Variants in RTL9 observed in about 807,000 individuals in gnomAD.
The protein encoded by RTL9 is retrotransposon Gag like 9.
A neutral mutation model predicts 44.7 loss-of-function variants in RTL9; 19 were observed. The ratio of observed to expected loss-of-function variants is 0.42; its 90% CI spans 0.30 to 0.62. The LOEUF is 0.62. RTL9 is among the 20% of genes least tolerant of loss of function. The pLI, the probability that RTL9 is intolerant of heterozygous loss-of-function variation, is 0.16. For synonymous variants in RTL9, 407 were observed against 398.9 expected (o/e 1.02, Z -0.24); for missense variants, 1,105 against 1,080.6 (o/e 1.02, Z -0.32).
Position 110,364,026 on chromosome X carries a change from A to G in RTL9, c.-168+5110A>G, listed in dbSNP as rs927140739. ...AACTTGGTGGCTTAAAACAGCAGATATTTATACTTTCACAGTTCTGGAGGC... is the reference window on the plus strand; with the variant it reads ...AACTTGGTGGCTTAAAACAGCAGATGTTTATACTTTCACAGTTCTGGAGGC... On this transcript the variant is annotated intron_variant, in intron 1 of 2. Coordinates refer to the RTL9 transcript ENST00000520821. Among the ~76,000 whole-genome samples, 7 of 111,792 alleles carry G rather than the reference A, an allele frequency of 6.3e-5. No individual in the cohort carries two copies. The Admixed American group carries it at 6.7e-4, about 11-fold the overall frequency.
intron 1 of RTL9, among the ~76,000 whole-genome samples, chrX:110,431,285 T>C: frequency 9.2e-6 from 1 of 108,671 alleles, no homozygotes; most frequent in Middle Eastern, 4.6e-3. Context: ...GGCTCCAACA[T>C]GAAGTGAAGG....
At chrX:110,453,643 C>A in exon 1 of RTL9, 1 of 1,212,058 alleles carries the variant, frequency 8.3e-7, no homozygotes, top group South Asian at 1.8e-5. Flanking sequence ...ACAACATATA[C>A]CGTGTCTGGA....
intron 1 of RTL9, among the ~76,000 whole-genome samples, chrX:110,438,964 G>T (rs1182766241): frequency 1.8e-5 from 2 of 111,896 alleles, no homozygotes; most frequent in East Asian, 5.6e-4. Context: ...TTTTAGTATG[G>T]GTCGTGGCAG....
intron 1 of RTL9, among the ~76,000 whole-genome samples, chrX:110,387,855 C>G (rs1402779528): frequency 1.0e-5 from 1 of 99,054 alleles, no homozygotes; most frequent in Non-Finnish European, 2.0e-5. Context: ...ATCTCCCTCT[C>G]TCTTTTTTTT....
chrX:110,413,944 A>G (rs1260277772), intron 1 of RTL9, among the ~76,000 whole-genome samples: 1 of 111,719 alleles, frequency 9.0e-6, no homozygotes, highest in Non-Finnish European at 1.9e-5. Flanking sequence ...GGAAGATACT[A>G]TTGTGGTTTT....
upstream of RTL9, among the ~76,000 whole-genome samples, chrX:110,448,539 C>A (rs991986878): frequency 1.0e-4 from 11 of 108,073 alleles, no homozygotes; most frequent in Non-Finnish European, 1.9e-4. Context: ...GTTGCATAGG[C>A]CAAGTGCTAA....
chrX:110,384,021 C>A (rs997691091), intron 1 of RTL9, among the ~76,000 whole-genome samples: 6 of 111,975 alleles, frequency 5.4e-5, no homozygotes, highest in Admixed American at 9.5e-5. Context: ...TGACACATTG[C>A]AAATGTTAGT....
At chrX:110,387,570 T>A (rs886696343) in intron 1 of RTL9, among the ~76,000 whole-genome samples, 1 of 111,680 alleles carries the variant, frequency 9.0e-6, no homozygotes, top group African/African-American at 3.3e-5. Context: ...CTGTTTCTAT[T>A]CCCTGACTTT....
intron 1 of RTL9, among the ~76,000 whole-genome samples, chrX:110,430,374 C>A (rs2068787856): frequency 8.9e-6 from 1 of 112,387 alleles, no homozygotes; most frequent in African/African-American, 3.2e-5. Context: ...TGTGTATTAA[C>A]TCATTTAATT....
chrX:110,391,974 GA>G (rs2068497052), intron 1 of RTL9, among the ~76,000 whole-genome samples: 1 of 112,111 alleles, frequency 8.9e-6, no homozygotes, highest in African/African-American at 3.2e-5. Flanking sequence ...GTTCAAAAGG[GA>G]AAACATAATG....
chrX:110,366,401 C>T (rs2068297551), intron 1 of RTL9, among the ~76,000 whole-genome samples: 1 of 111,532 alleles, frequency 9.0e-6, no homozygotes, highest in Non-Finnish European at 1.9e-5. Flanking sequence ...ATTTTTGTGA[C>T]CTCACTCACA....
intron 1 of RTL9, among the ~76,000 whole-genome samples, chrX:110,443,376 C>A (rs926757489): frequency 9.0e-6 from 1 of 111,506 alleles, no homozygotes; most frequent in African/African-American, 3.3e-5. Context: ...TCTCCCTCCC[C>A]CTACAAATCT....
intron 1 of RTL9, among the ~76,000 whole-genome samples, chrX:110,428,433 G>C (rs2068769992): frequency 8.9e-6 from 1 of 111,840 alleles, no homozygotes; most frequent in African/African-American, 3.2e-5. Context: ...ACACATTATA[G>C]GTGCTCAGTA....
intron 1 of RTL9, among the ~76,000 whole-genome samples, chrX:110,396,154 C>T (rs2068526983): frequency 1.8e-5 from 2 of 111,420 alleles, no homozygotes; most frequent in African/African-American, 3.3e-5. Flanking sequence ...CAGTATTAGT[C>T]ATACCTATTT....
At chrX:110,389,154 A>C (rs2068477727) in intron 1 of RTL9, among the ~76,000 whole-genome samples, 1 of 112,632 alleles carries the variant, frequency 8.9e-6, no homozygotes, top group Admixed American at 9.4e-5. Flanking sequence ...ACGGCTTCTA[A>C]GAGCCTTTAA....
intron 1 of RTL9, among the ~76,000 whole-genome samples, chrX:110,428,382 C>T (rs145737821): frequency 8.9e-6 from 1 of 111,979 alleles, no homozygotes; most frequent in African/African-American, 3.3e-5. Flanking sequence ...AGGGACAGAG[C>T]CTTGTACATT....
At chrX:110,361,990 A>G (rs1307768381) in intron 1 of RTL9, among the ~76,000 whole-genome samples, 1 of 111,709 alleles carries the variant, frequency 9.0e-6, no homozygotes, top group African/African-American at 3.3e-5. Flanking sequence ...TAGTGTACTG[A>G]CCCCTGCTAG....
chrX:110,425,099 C>T (rs1016645154), intron 1 of RTL9, among the ~76,000 whole-genome samples: 7 of 111,898 alleles, frequency 6.3e-5, no homozygotes, highest in African/African-American at 2.3e-4. Context: ...TTGCCTCCTG[C>T]TCCCAAGTCA....
exon 1 of RTL9, chrX:110,454,440 C>T (rs142158763): frequency 2.2e-5 from 27 of 1,210,311 alleles, no homozygotes; most frequent in Non-Finnish European, 3.0e-5. Flanking sequence ...GACCAGGTTT[C>T]TGGAAGGACT....
Sources: gnomAD v4.1 joint callset for allele counts (sites outside exome capture counted in the v4.1 genomes callset) on GRCh38, gnomAD v4.1.1 for gene constraint, MANE v1.5 for transcripts, NCBI Gene and HGNC (gene_info 2026-07-23, HGNC 2026-07-21) for gene names.